NHSL1: variants seen among roughly 807,000 people sequenced by gnomAD.
NHSL1 encodes NHS like 1.
In NHSL1, 48 loss-of-function variants were observed where a neutral mutation model predicts 95.0. The ratio of observed to expected loss-of-function variants is 0.51; its 90% CI spans 0.40 to 0.64. The LOEUF is 0.64. Ranked by LOEUF, NHSL1 falls within the 30% of genes least tolerant of loss-of-function variation. NHSL1 has a pLI of 0.00. For missense variants in NHSL1, 1,971 were observed against 2,077.7 expected, an observed-to-expected ratio of 0.95 and a Z score of 1.00; for synonymous variants, 783 against 833.9, an observed-to-expected ratio of 0.94 and a Z score of 1.05.
chr6:138,472,729 TGCA>T, intron 3 of NHSL1, among the ~76,000 whole-genome samples: 1 of 152,224 alleles, frequency 6.6e-6, no homozygotes, highest in Admixed American at 6.5e-5. Flanking sequence ...AAGTGGTTTG[TGCA>T]TATCACCAGA....
upstream of NHSL1, among the ~76,000 whole-genome samples, chr6:138,504,259 A>AAG (rs765716218): frequency 6.8e-6 from 1 of 146,300 alleles, no homozygotes; most frequent in Non-Finnish European, 1.5e-5. Context: ...GAGAGAGAGA[A>AAG]AGAGAGAGAG....
In NHSL1 at chr6:138,424,812, T is replaced by G; in HGVS notation, c.4090A>C (p.Lys1364Gln). ...EDLFAAIHRSKRKVLGRRDSD... is the reference protein window; with the variant it reads ...EDLFAAIHRSQRKVLGRRDSD... ...TCTCTACGGCCGAGGACTTTCCTTT[T>G]GGATCTGAGATTTAATAACATTAAG... Residue 1364 changes from lysine (K) to glutamine (Q), a missense_variant, in exon 8 of 8, where the codon AAA becomes CAA. This residue lies in a region of NHSL1 where 146 missense variants were observed against 206.3 expected (regional missense o/e 0.71). Coordinates refer to ENST00000343505, the MANE Select transcript of NHSL1 (RefSeq NM_001144060.2). This position sits in a 1 kb window ranked among gnomAD's most constrained non-coding sequence, Gnocchi z 5.9. 6.5e-7 allele frequency: 1 copy of G among 1,548,700 alleles called. No homozygotes were observed. The highest frequency in any genetic ancestry group is 2.4e-5 in the East Asian group (1 of 40,834).
At chr6:138,583,083 G>A (rs1784085025) in intron 1 of NHSL1, among the ~76,000 whole-genome samples, 1 of 152,206 alleles carries the variant, frequency 6.6e-6, no homozygotes, top group African/African-American at 2.4e-5. Context: ...AATTTCCTGG[G>A]ACATGGAACT....
At chr6:138,506,210 T>A (rs1204454759) in intron 1 of NHSL1, among the ~76,000 whole-genome samples, 1 of 152,210 alleles carries the variant, frequency 6.6e-6, no homozygotes, top group East Asian at 1.9e-4. Flanking sequence ...AATTTAGGCC[T>A]ATCCTGTTTA....
intron 1 of NHSL1, among the ~76,000 whole-genome samples, chr6:138,567,975 A>G (rs972610587): frequency 2.0e-5 from 3 of 152,192 alleles, no homozygotes; most frequent in African/African-American, 7.2e-5. Flanking sequence ...GCTCTGCTCA[A>G]TGAGAAGACG....
At chr6:138,570,910 A>G (rs1783816155) in intron 1 of NHSL1, among the ~76,000 whole-genome samples, 1 of 152,240 alleles carries the variant, frequency 6.6e-6, no homozygotes, top group African/African-American at 2.4e-5. Flanking sequence ...CCGAATGGAG[A>G]AACCATTTTA....
upstream of NHSL1, among the ~76,000 whole-genome samples, chr6:138,549,489 C>T (rs1417265697): frequency 6.6e-6 from 1 of 152,188 alleles, no homozygotes; most frequent in African/African-American, 2.4e-5. Flanking sequence ...ACACCTGGAA[C>T]CAGCAGAAGC....
chr6:138,668,447 AAAAAG>A (rs1197491944), intron 1 of NHSL1, among the ~76,000 whole-genome samples: 1 of 152,130 alleles, frequency 6.6e-6, no homozygotes, highest in African/African-American at 2.4e-5. Context: ...CCATCTCAAA[AAAAAG>A]AAAAGAAATT....
Position 138,431,292 on chromosome 6 carries a change from G to A in NHSL1, c.3053C>T (p.Ser1018Leu), listed in dbSNP as rs370183734. The A allele has an allele frequency of 4.6e-4, 696 of 1,502,058 alleles. No individual in the cohort carries two copies. Among genetic ancestry groups the A allele is most frequent in the Admixed American group, 5.7e-4 (26 of 45,702 alleles). The allele number at this position is 1,502,058 out of a possible 1,614,324, so 93.0% of individuals were successfully genotyped here. The change falls in exon 6 of 8, where the codon TCG (serine) becomes TTG (leucine). Residue 1018 changes from serine (S) to leucine (L), a missense_variant. Around this residue, in one of 3 missense-constraint regions of NHSL1, gnomAD observed 1,602 missense variants for 1,654.5 expected, o/e 0.97. Coordinates refer to ENST00000343505, the MANE Select transcript of NHSL1 (RefSeq NM_001144060.2). This position sits in a 1 kb window ranked among gnomAD's most constrained non-coding sequence, Gnocchi z 4.0. ...AAGAGGTGGGGCAGGTGGGGGTTCC[G>A]AGGAAGGTAAGAGAGGTGGGGGCAA... ...LPLPPPLLPS[S>L]EPPPAPPLDP...
In NHSL1 at chr6:138,499,379, C is replaced by T; in HGVS notation, c.-89G>A. ...GGTGGCAAGCTTCGTCCTTCTGCTA[C>T]AGATTCTAACTTTTTCTTCCCCCGG... On this transcript the variant is annotated 5_prime_UTR_variant, in exon 1 of 8. Coordinates refer to ENST00000343505, the MANE Select transcript of NHSL1 (RefSeq NM_001144060.2). 1 of 1,517,680 alleles carries T rather than the reference C, an allele frequency of 6.6e-7. No homozygotes were observed. Among genetic ancestry groups the T allele is most frequent in the East Asian group, 2.5e-5 (1 of 40,150 alleles). 94.0% of individuals were successfully genotyped at this position (1,517,680 alleles called of 1,614,324 possible).
chr6:138,509,749 G>A (rs1278588470), intron 1 of NHSL1, among the ~76,000 whole-genome samples: 3 of 151,992 alleles, frequency 2.0e-5, no homozygotes, highest in Non-Finnish European at 4.4e-5. Context: ...GCCTCAATTC[G>A]GACAACATTG....
At chr6:138,610,654 C>T (rs890362954) in intron 1 of NHSL1, among the ~76,000 whole-genome samples, 3 of 151,796 alleles carry the variant, frequency 2.0e-5, no homozygotes, top group Admixed American at 6.6e-5. Context: ...TTCATCCTAT[C>T]CCGATAGTTC....
At chr6:138,560,205 C>T (rs941853155) in intron 1 of NHSL1, among the ~76,000 whole-genome samples, 2 of 152,210 alleles carry the variant, frequency 1.3e-5, no homozygotes, top group African/African-American at 4.8e-5. Flanking sequence ...GTGGCATAAC[C>T]TTCCCCTGGT....
intron 1 of NHSL1, among the ~76,000 whole-genome samples, chr6:138,664,685 G>C (rs1026352264): frequency 6.6e-6 from 1 of 152,228 alleles, no homozygotes; most frequent in Admixed American, 6.5e-5. Flanking sequence ...CAAACATACA[G>C]ACCAATCTGT....
chr6:138,663,645 G>A (rs368121635), intron 1 of NHSL1, among the ~76,000 whole-genome samples: 1 of 150,712 alleles, frequency 6.6e-6, no homozygotes, highest in East Asian at 2.0e-4. Flanking sequence ...TGAGGCGGGT[G>A]GATCATCTGA....
intron 1 of NHSL1, among the ~76,000 whole-genome samples, chr6:138,585,130 G>A (rs1001536684): frequency 2.0e-5 from 3 of 152,212 alleles, no homozygotes; most frequent in Non-Finnish European, 4.4e-5. Flanking sequence ...AACAGCAGGA[G>A]CAGTCCTTGA....
chr6:138,588,866 T>C (rs1394406660), intron 1 of NHSL1, among the ~76,000 whole-genome samples: 2 of 152,210 alleles, frequency 1.3e-5, no homozygotes, highest in Non-Finnish European at 2.9e-5. Flanking sequence ...TTAGTATCCC[T>C]GCCTGTTCGA....
At chr6:138,480,679 C>T (rs1420322246) in intron 2 of NHSL1, among the ~76,000 whole-genome samples, 1 of 152,134 alleles carries the variant, frequency 6.6e-6, no homozygotes, top group Non-Finnish European at 1.5e-5. Flanking sequence ...TGCAACCTTC[C>T]TACTGTAATT....
At chr6:138,572,011 C>T in exon 1 of NHSL1, 1 of 913,322 alleles carries the variant, frequency 1.1e-6, no homozygotes, top group Non-Finnish European at 1.6e-6. Context: ...TGCTGTTTCC[C>T]TCTTAGACAA....
Sources: gnomAD v4.1 joint callset for allele counts (sites outside exome capture counted in the v4.1 genomes callset) on GRCh38, gnomAD v4.1.1 for gene constraint, gnomAD v4.1.1 regional missense constraint, Gnocchi (gnomAD v3.1) non-coding constraint, MANE v1.5 for transcripts, NCBI Gene and HGNC (gene_info 2026-07-23, HGNC 2026-07-21) for gene names.